The following TSHZ1 variants were observed in gnomAD, a reference collection of about 807,000 sequenced individuals.
TSHZ1 encodes the protein teashirt homolog 1.
Under a neutral mutation model 67.1 loss-of-function variants are expected in TSHZ1, and 12 were observed. The observed-to-expected ratio is 0.18, with a 90% CI of 0.11 to 0.29. The LOEUF is 0.29. Among genes scored for constraint, TSHZ1 ranks in the 10% least tolerant of loss-of-function variants. The pLI is 1.00. For synonymous variants in TSHZ1, 632 were observed against 622.4 expected, an observed-to-expected ratio of 1.02 and a Z score of -0.23; for missense variants, 1,305 against 1,413.9, an observed-to-expected ratio of 0.92 and a Z score of 1.23.
chr18:75,225,595 C>T (rs908564604), intron 1 of TSHZ1, among the ~76,000 whole-genome samples: 4 of 152,188 alleles, frequency 2.6e-5, no homozygotes, highest in Non-Finnish European at 4.4e-5. Context: ...GAAATCAACT[C>T]GTCATCAAGT....
intron 1 of TSHZ1, among the ~76,000 whole-genome samples, chr18:75,250,254 G>A (rs2023282182): frequency 6.6e-6 from 1 of 152,096 alleles, no homozygotes; most frequent in Admixed American, 6.5e-5. Context: ...GCCCTGCCAG[G>A]CTCTTCCCTG....
At chr18:75,253,569 A>G (rs2023329064) in intron 1 of TSHZ1, among the ~76,000 whole-genome samples, 1 of 152,178 alleles carries the variant, frequency 6.6e-6, no homozygotes. Flanking sequence ...AGAATCAGTG[A>G]GATACTGGGA....
At chr18:75,231,716 G>T (rs1015894826) in intron 1 of TSHZ1, among the ~76,000 whole-genome samples, 1 of 151,876 alleles carries the variant, frequency 6.6e-6, no homozygotes, top group Non-Finnish European at 1.5e-5. Flanking sequence ...TGTATTTTTA[G>T]TAGAGACAGG....
chr18:75,287,731 A>G lies in TSHZ1; in HGVS notation c.2324A>G (p.Tyr775Cys). 1 of 1,614,096 alleles carries G rather than the reference A, an allele frequency of 6.2e-7. No individual in the cohort carries two copies. Among genetic ancestry groups the G allele is most frequent in the Non-Finnish European group, 8.5e-7 (1 of 1,180,026 alleles). ...TCGCTGGACCCGCTGGCGATGCTGT[A>G]CAAGATCAGCAACAGCATGCTGGAC... Reference protein sequence around the residue: ...SPSLDPLAMLYKISNSMLDKP... With the variant: ...SPSLDPLAMLCKISNSMLDKP... Residue 775 changes from tyrosine to cysteine, a missense_variant, in exon 2 of 2, where the codon TAC becomes TGC. Around this residue, in one of 3 missense-constraint regions of TSHZ1, gnomAD observed 909 missense variants for 961.8 expected, o/e 0.95. Transcript: ENST00000580243. This position sits in a 1 kb window ranked among gnomAD's most constrained non-coding sequence, Gnocchi z 5.0.
At chr18:75,261,115 A>G (rs1178096356) in intron 1 of TSHZ1, among the ~76,000 whole-genome samples, 1 of 151,824 alleles carries the variant, frequency 6.6e-6, no homozygotes, top group Non-Finnish European at 1.5e-5. Context: ...TCCGCGATGT[A>G]CCCGGAGGAG....
At chr18:75,224,688 C>T (rs2022897733) in intron 1 of TSHZ1, among the ~76,000 whole-genome samples, 1 of 152,062 alleles carries the variant, frequency 6.6e-6, no homozygotes, top group Non-Finnish European at 1.5e-5. Flanking sequence ...TGTTAATTGT[C>T]CATGTTTAAA....
Position 75,286,145 on chromosome 18 carries a change from C to T in TSHZ1, c.738C>T (p.Phe246=). 1.2e-6 allele frequency: 2 copies of T among 1,613,608 alleles called. No individual in the cohort carries two copies. The highest frequency in any genetic ancestry group is 1.7e-6 in the Non-Finnish European group (2 of 1,179,586). ...YGSVFTGASK[F]RCKDCSAAYD... ...CCGTCTTCACGGGCGCCAGCAAGTT[C>T]CGGTGCAAAGACTGCAGTGCCGCGT... The change falls in exon 2 of 2, where the codon TTC becomes TTT. Residue 246 remains phenylalanine, a synonymous_variant. Transcript: ENST00000580243. This position sits in a 1 kb window ranked among gnomAD's most constrained non-coding sequence, Gnocchi z 5.1.
chr18:75,222,736 A>G (rs2022864408), intron 1 of TSHZ1, among the ~76,000 whole-genome samples: 2 of 152,016 alleles, frequency 1.3e-5, no homozygotes, highest in South Asian at 2.1e-4. Context: ...CCACCCCCCT[A>G]TTTTTTGTGG....
chr18:75,210,821 C>G lies in TSHZ1; in HGVS notation c.-1056C>G, dbSNP rs1201363030. The G allele has an allele frequency of 1.3e-5, 2 of 149,444 alleles. No individual in the cohort carries two copies. Among genetic ancestry groups the G allele is most frequent in the African/African-American group, 2.5e-5 (1 of 40,448 alleles). 9.3% of individuals were successfully genotyped at this position (149,444 alleles called of 1,614,324 possible). On this transcript the variant is annotated 5_prime_UTR_variant, in exon 1 of 2. Coordinates refer to ENST00000580243, the MANE Select transcript of TSHZ1 (RefSeq NM_001308210.2). ...CAGTTGAGACTGTCTGAAAGCTCTG[C>G]GATCCGAATGTGTGTTATATTTCAC...
intron 1 of TSHZ1, 82 bp downstream of exon 1, chr18:75,211,998 A>ACGTGGGC: frequency 8.3e-6 from 9 of 1,083,480 alleles, no homozygotes; most frequent in Non-Finnish European, 1.0e-5. Flanking sequence ...GAGGTGCGGG[A>ACGTGGGC]CGTGGGCCGC....
rs563600944 is a variant in TSHZ1, at chr18:75,256,302, TA to T, written c.41-29144del. Among the ~76,000 whole-genome samples, 16 of 152,350 alleles carry T rather than the reference TA, an allele frequency of 1.1e-4. No individual in the cohort carries two copies. In the East Asian group the frequency reaches 3.1e-3, roughly 29 times the overall value. On this transcript the variant is annotated intron_variant, in intron 1 of 1. Coordinates refer to ENST00000580243, the MANE Select transcript of TSHZ1 (RefSeq NM_001308210.2). ...TGGTAGCAGGGGAGCTGTTCATTGT[TA>T]ATTTTCAGTCATTGAAGCCCAGAAA... is the stretch of plus-strand genomic sequence containing the variant.
At chr18:75,261,881 G>A (rs1357695529) in intron 1 of TSHZ1, among the ~76,000 whole-genome samples, 1 of 152,196 alleles carries the variant, frequency 6.6e-6, no homozygotes, top group African/African-American at 2.4e-5. Flanking sequence ...AAGCAAATAA[G>A]TAGCTACAAC....
Position 75,288,791 on chromosome 18 carries a change from A to G in TSHZ1, c.*150A>G. 7.7e-7 allele frequency: 1 copy of G among 1,298,896 alleles called. No homozygotes were observed. Among genetic ancestry groups the G allele is most frequent in the Non-Finnish European group, 1.0e-6 (1 of 972,336 alleles). The allele number at this position is 1,298,896 out of a possible 1,614,324, so 80.5% of individuals were successfully genotyped here. A position where few individuals can be genotyped will look rare whatever the true frequency, so the allele number is the denominator to read the frequency against. The stretch of plus-strand genomic sequence containing the variant: ...TCTTACACATATTTTGTATATTTAT[A>G]TGCTCTCTGTCCGATCTGTGCATGT... On this transcript the variant is annotated 3_prime_UTR_variant, in exon 2 of 2. Coordinates refer to ENST00000580243, the MANE Select transcript of TSHZ1 (RefSeq NM_001308210.2). This position sits in a 1 kb window ranked among gnomAD's most constrained non-coding sequence, Gnocchi z 4.9.
chr18:75,225,490 G>A (rs906784177), intron 1 of TSHZ1, among the ~76,000 whole-genome samples: 6 of 152,164 alleles, frequency 3.9e-5, no homozygotes, highest in Non-Finnish European at 8.8e-5. Flanking sequence ...CTGTACGCTT[G>A]CCCCACAACC....
rs1303421690 is a variant in TSHZ1 at position 75,288,784 on chromosome 18, T to C, written c.*143T>C. ...TTGGTTTTCTTACACATATTTTGTA[T>C]ATTTATATGCTCTCTGTCCGATCTG... On this transcript the variant is annotated 3_prime_UTR_variant, in exon 2 of 2. Transcript: ENST00000580243. This position sits in a 1 kb window ranked among gnomAD's most constrained non-coding sequence, Gnocchi z 4.9. 7.5e-7 allele frequency: 1 copy of C among 1,339,588 alleles called. No individual in the cohort carries two copies. The highest frequency in any genetic ancestry group is 1.0e-6 in the Non-Finnish European group (1 of 1,004,610). 83.0% of individuals were successfully genotyped at this position (1,339,588 alleles called of 1,614,324 possible). A position where few individuals can be genotyped will look rare whatever the true frequency, so the allele number is the denominator to read the frequency against.
chr18:75,283,717 T>TGTGTGTGC (rs2023715633), intron 1 of TSHZ1: 1 of 152,326 alleles, frequency 6.6e-6, no homozygotes, highest in Admixed American at 6.5e-5. Context: ...ATTGTGTGTG[T>TGTGTGTGC]GTGTGTGCGT....
intron 1 of TSHZ1, among the ~76,000 whole-genome samples, chr18:75,213,522 C>T (rs2022726339): frequency 6.6e-6 from 1 of 152,094 alleles, no homozygotes; most frequent in African/African-American, 2.4e-5. Flanking sequence ...CAGAAAACTA[C>T]TCCTGTACTC....
chr18:75,254,442 G>GAC (rs2023340248), intron 1 of TSHZ1, among the ~76,000 whole-genome samples: 1 of 152,146 alleles, frequency 6.6e-6, no homozygotes, highest in Non-Finnish European at 1.5e-5. Context: ...GGGATAAAAA[G>GAC]ACACTGAGCA....
intron 1 of TSHZ1, among the ~76,000 whole-genome samples, chr18:75,241,186 G>A (rs1568357573): frequency 6.6e-6 from 1 of 152,186 alleles, no homozygotes; most frequent in Non-Finnish European, 1.5e-5. Context: ...CATGGAAGTG[G>A]GTCGTGTCTC....
Sources: allele counts gnomAD v4.1 joint callset (sites outside exome capture counted in the v4.1 genomes callset), GRCh38; gene constraint gnomAD v4.1.1; regional missense constraint gnomAD v4.1.1; non-coding constraint Gnocchi (gnomAD v3.1); transcripts MANE v1.5; gene names NCBI Gene and HGNC (gene_info 2026-07-23, HGNC 2026-07-21).